The following SPIRE2 variants were observed in gnomAD, a reference collection of about 807,000 sequenced individuals.
SPIRE2 encodes the protein spire type actin nucleation factor 2.
In SPIRE2, 76 loss-of-function variants were observed where a neutral mutation model predicts 80.7. The observed-to-expected ratio is 0.94, with a 90% CI of 0.78 to 1.14. The LOEUF is 1.14. Among genes scored for constraint, SPIRE2 ranks in the 50% most tolerant of loss-of-function variants. The pLI, the probability that SPIRE2 is intolerant of heterozygous loss-of-function variation, is 0.00. For missense variants in SPIRE2, 1,196 were observed against 1,015.3 expected (o/e 1.18, Z -2.42); for synonymous variants, 535 against 432.6 (o/e 1.24, Z -2.94).
At chr16:89,860,612 TC>T in intron 9 of SPIRE2, 70 bp from the exon 10 acceptor site, 1 of 1,060,408 alleles carries the variant, frequency 9.4e-7, no homozygotes, top group Non-Finnish European at 1.4e-6. Flanking sequence ...ATCTCTATCA[TC>T]CCCTGGGCAC....
intron 1 of SPIRE2, among the ~76,000 whole-genome samples, chr16:89,830,741 C>A (rs11641891): frequency 0.65 from 96,946 of 150,032 alleles, 33,965 homozygotes; most frequent in East Asian, 0.98. Context: ...TGTGTAAAAC[C>A]ACTTTGAAAA....
intron 1 of SPIRE2, among the ~76,000 whole-genome samples, chr16:89,844,300 C>T (rs2041536150): frequency 6.6e-6 from 1 of 152,112 alleles, no homozygotes; most frequent in East Asian, 1.9e-4. Flanking sequence ...TCCTGAGTAG[C>T]TGGGATTACA....
rs755695779 is a variant in SPIRE2 at position 89,850,462 on chromosome 16, C to T, written c.447C>T (p.Tyr149=). ...DSGCGAADEG[Y]GGPEEEEEAE... The stretch of plus-strand genomic sequence containing the variant: ...GCTGCGGTGCCGCCGATGAGGGCTA[C>T]GGGGGTCCCGAGGAGGAGGAGGAGG... Residue 149 remains tyrosine (Y), a synonymous_variant, in exon 3 of 15, where the codon TAC becomes TAT. Transcript: ENST00000378247. 3.1e-5 allele frequency: 49 copies of T among 1,558,286 alleles called. No individual in the cohort carries two copies. In the East Asian group the frequency reaches 4.9e-4, roughly 15 times the overall value.
chr16:89,854,717 A>AGGGGCAGCCTGGATGCAGAGGCCGTGG (rs1328838051), intron 5 of SPIRE2, 66 bp downstream of exon 5: 1 of 1,558,362 alleles, frequency 6.4e-7, no homozygotes, highest in Non-Finnish European at 8.7e-7. Context: ...GCGGACGCAG[A>AGGGGCAGCCTGGATGCAGAGGCCGTGG]TGAGCAGCCT....
chr16:89,835,235 G>A (rs969726629), intron 1 of SPIRE2, among the ~76,000 whole-genome samples: 23 of 143,750 alleles, frequency 1.6e-4, no homozygotes, highest in African/African-American at 6.8e-4. Flanking sequence ...TCTTAGAAGC[G>A]TGGATAAGCA....
Position 89,854,593 on chromosome 16 carries a change from C to T in SPIRE2, c.833C>T (p.Pro278Leu), listed in dbSNP as rs1283301440. Residue 278 changes from proline to leucine, a missense_variant, in exon 5 of 15, where the codon CCC becomes CTC. Pro to Leu is a moderately conservative substitution (Grantham distance 98). Coordinates refer to ENST00000378247, the MANE Select transcript of SPIRE2 (RefSeq NM_032451.2). Reference sequence around the variant, plus strand: ...CTCCCCACCGAGTTCCAGCTCACGCCCTTCGAGATGCTGATGCAGGACATC... The same window carrying T: ...CTCCCCACCGAGTTCCAGCTCACGCTCTTCGAGATGCTGATGCAGGACATC... ...NPLPTEFQLT[P>L]FEMLMQDIRA... 1 of 1,607,266 alleles carries T rather than the reference C, an allele frequency of 6.2e-7. No individual in the cohort carries two copies. The highest frequency in any genetic ancestry group is 1.3e-5 in the African/African-American group (1 of 74,694).
chr16:89,837,892 A>T (rs957881662), intron 1 of SPIRE2, among the ~76,000 whole-genome samples: 3 of 152,196 alleles, frequency 2.0e-5, no homozygotes, highest in Non-Finnish European at 1.5e-5. Context: ...GCTCAACCAC[A>T]TGGTTCCCTC....
rs765400538 is a variant in SPIRE2, at chr16:89,828,779, G to A, written c.229G>A (p.Glu77Lys). 5.1e-6 allele frequency: 6 copies of A among 1,185,230 alleles called. No individual in the cohort carries two copies. The African/African-American group carries it at 8.0e-5, about 16-fold the overall frequency. The allele number at this position is 1,185,230 out of a possible 1,614,324, so 73.4% of individuals were successfully genotyped here. Residue 77 changes from glutamate to lysine, a missense_variant, in exon 1 of 15, where the codon GAG (glutamate) becomes AAG (lysine). Coordinates refer to ENST00000378247, the MANE Select transcript of SPIRE2 (RefSeq NM_032451.2). This position sits in a 1 kb window ranked among gnomAD's most constrained non-coding sequence, Gnocchi z 5.9. ...CGGGGACGGCTCGGTCGGGGCGCGG[G>A]AGCCCGAGGCCGCGGGTGAGGCCGG... The part of the protein sequence containing the change: ...LRGDGSVGAR[E>K]PEAAEPATMV...
chr16:89,841,916 T>A (rs547834167), intron 1 of SPIRE2, among the ~76,000 whole-genome samples: 1 of 149,854 alleles, frequency 6.7e-6, no homozygotes, highest in African/African-American at 2.5e-5. Context: ...TTAGGAGAGG[T>A]GGGGTTTCTC....
intron 5 of SPIRE2, 121 bp from the exon 6 acceptor site, chr16:89,855,479 A>T: frequency 1.3e-6 from 1 of 786,544 alleles, no homozygotes; most frequent in Non-Finnish European, 2.1e-6. Context: ...CTGCGAGCAA[A>T]GAGTGGGAGG....
chr16:89,863,461 G>A lies in SPIRE2; in HGVS notation c.1576-15G>A. On this transcript the variant is annotated splice_polypyrimidine_tract_variant and intron_variant, in intron 10 of 14. Coordinates refer to ENST00000378247, the MANE Select transcript of SPIRE2 (RefSeq NM_032451.2). The surrounding 1 kb of genome is among the most constrained non-coding windows in gnomAD (Gnocchi z 4.3). ...CTCCTGCATAGAAGACTTCCTACCTGAGGCCGTCCCCTAGGAGTTCAGCCA... is the reference window on the plus strand; with the variant it reads ...CTCCTGCATAGAAGACTTCCTACCTAAGGCCGTCCCCTAGGAGTTCAGCCA... 6.2e-7 allele frequency: 1 copy of A among 1,613,824 alleles called. No individual in the cohort carries two copies. Among genetic ancestry groups the A allele is most frequent in the Non-Finnish European group, 8.5e-7 (1 of 1,179,988 alleles).
chr16:89,848,012 C>T (rs768609387), intron 2 of SPIRE2, among the ~76,000 whole-genome samples: 2 of 152,204 alleles, frequency 1.3e-5, no homozygotes, highest in Admixed American at 6.5e-5. Flanking sequence ...GAGGCACAAT[C>T]GGAGCCACGC....
chr16:89,855,831 G>A (rs1348728420), intron 6 of SPIRE2, 145 bp downstream of exon 6: 2 of 933,034 alleles, frequency 2.1e-6, no homozygotes, highest in Middle Eastern at 3.2e-4. Context: ...AGGCGGGCTG[G>A]CTTCCTCTTG....
In SPIRE2 at chr16:89,859,088, C is replaced by T. The variant is rs1268243667; in HGVS notation, c.1273-77C>T. The stretch of plus-strand genomic sequence containing the variant: ...GCAGACCCTGCGGCACCCCTGGGTC[C>T]TCTGCTTCATTCCAGGCATGGGCAG... On this transcript the variant is annotated intron_variant, in intron 8 of 14. Coordinates refer to ENST00000378247, the MANE Select transcript of SPIRE2 (RefSeq NM_032451.2). 2.2e-6 allele frequency: 3 copies of T among 1,356,538 alleles called. No homozygotes were observed. The African/African-American group carries it at 4.5e-5, about 20-fold the overall frequency. 84.0% of individuals were successfully genotyped at this position (1,356,538 alleles called of 1,614,324 possible). A position where few individuals can be genotyped will look rare whatever the true frequency, so the allele number is the denominator to read the frequency against.
At chr16:89,846,998 C>G (rs1414452702) in intron 2 of SPIRE2, 6 of 148,764 alleles carry the variant, frequency 4.0e-5, no homozygotes, top group African/African-American at 1.2e-4. Context: ...AAAAAAAAAA[C>G]AAGAAGAAAA....
At chr16:89,855,993 T>G in intron 6 of SPIRE2, 120 bp from the exon 7 acceptor site, 1 of 1,487,754 alleles carries the variant, frequency 6.7e-7, no homozygotes. Context: ...CTCTTCCGAC[T>G]CCAGAGTGGG....
chr16:89,856,656 C>T (rs1356793831), intron 7 of SPIRE2, among the ~76,000 whole-genome samples: 2 of 143,714 alleles, frequency 1.4e-5, no homozygotes, highest in Non-Finnish European at 3.0e-5. Context: ...GACGGGGTTT[C>T]ACCATATTGG....
At chr16:89,864,735 A>T (rs376704491) in intron 12 of SPIRE2, among the ~76,000 whole-genome samples, 1 of 152,334 alleles carries the variant, frequency 6.6e-6, no homozygotes, top group African/African-American at 2.4e-5. Context: ...GGCCTGACTG[A>T]TACATCATAA....
intron 2 of SPIRE2, 45 bp downstream of exon 2, chr16:89,845,410 C>G: frequency 6.8e-7 from 1 of 1,471,606 alleles, no homozygotes; most frequent in Non-Finnish European, 9.5e-7. Flanking sequence ...TGTGTTAAAA[C>G]GTACCTGCAT....
Sources: gnomAD v4.1 joint callset for allele counts (sites outside exome capture counted in the v4.1 genomes callset) on GRCh38, gnomAD v4.1.1 for gene constraint, Gnocchi (gnomAD v3.1) non-coding constraint, MANE v1.5 for transcripts, NCBI Gene and HGNC (gene_info 2026-07-23, HGNC 2026-07-21) for gene names.